LCOR: variants seen among roughly 807,000 people sequenced by gnomAD.
LCOR encodes ligand-dependent corepressor.
LCOR carries 14 observed loss-of-function variants against 64.4 expected under a neutral mutation model. That is an observed-to-expected ratio of 0.22 (90% confidence interval 0.14 to 0.34). The LOEUF (loss-of-function observed/expected upper bound fraction) is 0.34. LCOR is among the 10% of genes least tolerant of loss of function. The probability of loss-of-function intolerance (pLI) is 1.00; values close to 1 mark genes in which losing one functional copy is unlikely to be tolerated. For synonymous variants in LCOR, 643 were observed against 642.5 expected (o/e 1.00, Z -0.01); for missense variants, 1,686 against 1,765.3 (o/e 0.96, Z 0.80).
rs751512523 is a variant in LCOR, at chr10:96,985,105, A to C, written c.4645A>C (p.Ser1549Arg). The C allele has an allele frequency of 6.2e-7, 1 of 1,602,792 alleles. No individual in the cohort carries two copies. The highest frequency in any genetic ancestry group is 1.3e-5 in the African/African-American group (1 of 74,426). Residue 1549 changes from serine (S) to arginine (R), a missense_variant, in exon 8 of 8, where the codon AGC (serine) becomes CGC (arginine). This residue lies in a region of LCOR where 1,293 missense variants were observed against 1,410.4 expected (regional missense o/e 0.92). Coordinates refer to ENST00000421806, the MANE Select transcript of LCOR (RefSeq NM_001346516.2). ...GAAGGCAAAGCTGGACTGTTCGCAC[A>C]GCAAACGGAGGCGGCTGGATGCAAA... ...KLKAKLDCSH[S>R]KRRRLDAK
intron 7 of LCOR, among the ~76,000 whole-genome samples, chr10:96,971,687 CA>C: frequency 1.3e-5 from 2 of 152,084 alleles, no homozygotes. Context: ...AGGAAGTTGG[CA>C]ATTCTGGATA....
chr10:96,847,431 TTTAC>T (rs569919648), intron 2 of LCOR, among the ~76,000 whole-genome samples: 35 of 149,832 alleles, frequency 2.3e-4, no homozygotes, highest in East Asian at 8.3e-4. Context: ...TATTTATTTA[TTTAC>T]TTACTTATTT....
At chr10:96,932,334 T>C (rs1589664513) in intron 4 of LCOR, among the ~76,000 whole-genome samples, 1 of 152,138 alleles carries the variant, frequency 6.6e-6, no homozygotes, top group East Asian at 1.9e-4. Context: ...TTATATTGCT[T>C]CCAGTAAACT....
In LCOR at chr10:96,992,133, T is replaced by G. The variant is rs1848206227; in HGVS notation, c.*6999T>G. The G allele has an allele frequency of 6.6e-6, 1 of 152,210 alleles. No individual in the cohort carries two copies. The highest frequency in any genetic ancestry group is 2.4e-5 in the African/African-American group (1 of 41,436). 9.4% of individuals were successfully genotyped at this position (152,210 alleles called of 1,614,324 possible). On this transcript the variant is annotated 3_prime_UTR_variant, in exon 8 of 8. Coordinates refer to ENST00000421806, the MANE Select transcript of LCOR (RefSeq NM_001346516.2). ...TTATATTTATACCACAGGTAGGGATTATTTTTAGAGTCACTATAGCTTAAG... is the reference window on the plus strand; with the variant it reads ...TTATATTTATACCACAGGTAGGGATGATTTTTAGAGTCACTATAGCTTAAG...
intron 2 of LCOR, among the ~76,000 whole-genome samples, chr10:96,886,380 C>T (rs186888546): frequency 4.1e-4 from 63 of 152,296 alleles, no homozygotes; most frequent in African/African-American, 1.5e-3. Flanking sequence ...TGAAATCCTC[C>T]AATGAGCATT....
chr10:96,879,430 G>A (rs1009191185), intron 2 of LCOR, among the ~76,000 whole-genome samples: 1 of 152,174 alleles, frequency 6.6e-6, no homozygotes, highest in African/African-American at 2.4e-5. Context: ...AAAGCCAGAA[G>A]CTTATTCCAA....
chr10:96,929,645 A>G (rs1847223856), intron 4 of LCOR, among the ~76,000 whole-genome samples: 1 of 152,190 alleles, frequency 6.6e-6, no homozygotes, highest in South Asian at 2.1e-4. Context: ...AATTTTCCTT[A>G]AGAACTTTTT....
chr10:96,884,236 ATG>A (rs1391102205), intron 2 of LCOR, among the ~76,000 whole-genome samples: 1 of 152,318 alleles, frequency 6.6e-6, no homozygotes, highest in South Asian at 2.1e-4. Flanking sequence ...AGCTAATGGA[ATG>A]TGAGTCCATT....
At position 96,981,095 on chromosome 10, in the gene LCOR, C is replaced by T. The variant is rs1370873866; in HGVS notation, c.635C>T (p.Ser212Phe). The T allele has an allele frequency of 1.4e-6, 1 of 703,132 alleles. No homozygotes were observed. The highest frequency in any genetic ancestry group is 2.6e-6 in the Non-Finnish European group (1 of 385,104). The allele number at this position is 703,132 out of a possible 1,614,324, so 43.6% of individuals were successfully genotyped here. A position where few individuals can be genotyped will look rare whatever the true frequency, so the allele number is the denominator to read the frequency against. ...SVDLFVDSSD[S>F]HSPLHLTEQT... Reference sequence around the variant, plus strand: ...GATTTGTTCGTAGACTCGTCAGACTCTCACAGCCCTCTACACTTGACGGAA... The same window carrying T: ...GATTTGTTCGTAGACTCGTCAGACTTTCACAGCCCTCTACACTTGACGGAA... Residue 212 changes from serine (S) to phenylalanine (F), a missense_variant, in exon 8 of 8, where the codon TCT becomes TTT. Physicochemically the swap from Ser to Phe is radical, Grantham distance 155. Coordinates refer to ENST00000421806, the MANE Select transcript of LCOR (RefSeq NM_001346516.2).
chr10:96,958,389 A>T, intron 7 of LCOR: 2 of 1,524,566 alleles, frequency 1.3e-6, no homozygotes, highest in Non-Finnish European at 1.8e-6. Context: ...TACTAACATA[A>T]ATATTTTCTA....
intron 4 of LCOR, among the ~76,000 whole-genome samples, chr10:96,930,141 T>C (rs1040829762): frequency 3.3e-5 from 5 of 152,226 alleles, no homozygotes; most frequent in African/African-American, 1.2e-4. Flanking sequence ...CCACTAGACT[T>C]GGTCGACACA....
chr10:96,854,972 C>T (rs1008536771), intron 2 of LCOR, among the ~76,000 whole-genome samples: 2 of 152,178 alleles, frequency 1.3e-5, no homozygotes, highest in African/African-American at 2.4e-5. Context: ...TCCTTTCTCT[C>T]CTCCTCTTAT....
chr10:96,864,514 TC>T lies in LCOR; in HGVS notation c.-330+31037del, dbSNP rs771877872. 2.6e-5 allele frequency among the ~76,000 whole-genome samples: 4 copies of T among 152,288 alleles called. No homozygotes were observed. In the East Asian group the frequency reaches 7.7e-4, roughly 29 times the overall value. On this transcript the variant is annotated intron_variant, in intron 2 of 7. Coordinates refer to ENST00000421806, the MANE Select transcript of LCOR (RefSeq NM_001346516.2). ...TGGTGATGTGCAAAGCAGACTCTGTTCCTGCTCGCATGGCACTTAGAATATA... is the reference window on the plus strand; with the variant it reads ...TGGTGATGTGCAAAGCAGACTCTGTTCTGCTCGCATGGCACTTAGAATATA...
At chr10:96,886,003 G>A (rs1031299767) in intron 2 of LCOR, among the ~76,000 whole-genome samples, 7 of 152,046 alleles carry the variant, frequency 4.6e-5, no homozygotes, top group East Asian at 1.9e-4. Context: ...TCAGCCTCCC[G>A]AGTAGCTGGG....
chr10:96,956,789 C>T, intron 7 of LCOR: 1 of 985,776 alleles, frequency 1.0e-6, no homozygotes, highest in Non-Finnish European at 1.2e-6. Context: ...ATGGAGGATG[C>T]CTCATTTTAG....
chr10:96,904,989 A>T (rs189186061), intron 2 of LCOR, among the ~76,000 whole-genome samples: 88 of 152,324 alleles, frequency 5.8e-4, no homozygotes, highest in African/African-American at 2.1e-3. Context: ...TGAGCAAAAG[A>T]GGAGTGACTT....
intron 4 of LCOR, among the ~76,000 whole-genome samples, chr10:96,928,350 T>C (rs1040166033): frequency 1.4e-4 from 21 of 152,242 alleles, no homozygotes; most frequent in African/African-American, 5.1e-4. Flanking sequence ...TCACCAGGAG[T>C]AGATTCCATC....
intron 2 of LCOR, among the ~76,000 whole-genome samples, chr10:96,834,943 C>T (rs184036496): frequency 2.0e-5 from 3 of 152,132 alleles, no homozygotes; most frequent in Admixed American, 6.6e-5. Flanking sequence ...CTCTTTTGCC[C>T]GGGCTGGAGT....
At chr10:96,849,858 CTTTT>C (rs964263701) in intron 2 of LCOR, among the ~76,000 whole-genome samples, 3 of 115,690 alleles carry the variant, frequency 2.6e-5, no homozygotes, top group South Asian at 2.8e-4. Flanking sequence ...GTGTCACTCA[CTTTT>C]TTTTTTTTTT....
Sources: gnomAD v4.1 joint callset for allele counts (sites outside exome capture counted in the v4.1 genomes callset) on GRCh38, gnomAD v4.1.1 for gene constraint, gnomAD v4.1.1 regional missense constraint, MANE v1.5 for transcripts, NCBI Gene and HGNC (gene_info 2026-07-23, HGNC 2026-07-21) for gene names.